Variants in ASIC2 observed in about 807,000 individuals in gnomAD.
ASIC2 encodes acid-sensing ion channel 2.
In ASIC2, 25 loss-of-function variants were observed where a neutral mutation model predicts 57.3. The observed-to-expected ratio is 0.44, with a 90% CI of 0.32 to 0.61. The LOEUF (loss-of-function observed/expected upper bound fraction) is 0.61. ASIC2 is among the 20% of genes least tolerant of loss of function. ASIC2 has a pLI of 0.06. For synonymous variants in ASIC2, 319 were observed against 307.5 expected (o/e 1.04, Z -0.39); for missense variants, 641 against 738.1 (o/e 0.87, Z 1.52).
At chr17:33,341,576 G>A (rs1907723848) in intron 1 of ASIC2, among the ~76,000 whole-genome samples, 1 of 152,134 alleles carries the variant, frequency 6.6e-6, no homozygotes, top group African/African-American at 2.4e-5. Context: ...TTATTATCTA[G>A]TCCCTTACAA....
intron 1 of ASIC2, among the ~76,000 whole-genome samples, chr17:33,914,042 G>A (rs1915529372): frequency 6.6e-6 from 1 of 152,166 alleles, no homozygotes. Flanking sequence ...CATAATCCCA[G>A]GGAATCATAA....
Position 33,998,899 on chromosome 17 carries a change from T to C in ASIC2, c.555+157079A>G, listed in dbSNP as rs139297132. Among the ~76,000 whole-genome samples, 61 of 152,264 alleles carry C rather than the reference T, an allele frequency of 4.0e-4. No homozygotes were observed. The East Asian group carries it at 0.011, about 27-fold the overall frequency. On this transcript the variant is annotated intron_variant, in intron 1 of 9. Coordinates refer to the ASIC2 transcript ENST00000359872. ...AGGTCCATTTGGTCTATAGTGTTGTTCAAGTCTGTTGTTTCCACATTGATT... is the reference window on the plus strand; with the variant it reads ...AGGTCCATTTGGTCTATAGTGTTGTCCAAGTCTGTTGTTTCCACATTGATT...
intron 3 of ASIC2, among the ~76,000 whole-genome samples, chr17:33,056,058 C>T (rs1039673070): frequency 6.1e-4 from 93 of 152,316 alleles, no homozygotes; most frequent in African/African-American, 2.0e-3. Context: ...GGTTGAGAAC[C>T]GTTCATCTAG....
rs1327989257 is a variant in ASIC2 at position 33,291,967 on chromosome 17, C to A, written c.149G>T (p.Gly50Val). The change falls in exon 1 of 10, where the codon GGG becomes GTG. Residue 50 changes from glycine to valine, a missense_variant. This residue lies in a region of ASIC2 where 382 missense variants were observed against 398.0 expected (regional missense o/e 0.96). Transcript: ENST00000225823. ...CCGCCCCCTGCGGGCGACCCCTGGC[C>A]CCTGCAGCGCCCGCTCGCCGCCTCT... is the stretch of plus-strand genomic sequence containing the variant. ...GGRGGERALQ[G>V]PGVARRGRPS... 7.5e-7 allele frequency: 1 copy of A among 1,332,636 alleles called. No homozygotes were observed. The highest frequency in any genetic ancestry group is 2.2e-5 in the South Asian group (1 of 44,608). 82.6% of individuals were successfully genotyped at this position (1,332,636 alleles called of 1,614,324 possible). A position where few individuals can be genotyped will look rare whatever the true frequency, so the allele number is the denominator to read the frequency against.
chr17:33,126,096 C>A (rs1026397333), intron 1 of ASIC2, among the ~76,000 whole-genome samples: 1 of 152,208 alleles, frequency 6.6e-6, no homozygotes, highest in Admixed American at 6.5e-5. Flanking sequence ...GTTCTCACAA[C>A]AAACTTGCAA....
At chr17:34,006,166 C>A (rs1906517600) in intron 1 of ASIC2, 3 of 152,272 alleles carry the variant, frequency 2.0e-5, no homozygotes. Flanking sequence ...ACTTAGGATT[C>A]TCCTAAGAGG....
At chr17:33,874,511 T>C (rs445370) in intron 1 of ASIC2, among the ~76,000 whole-genome samples, 135,725 of 152,126 alleles carry the variant, frequency 0.89, 60,783 homozygotes, top group African/African-American at 0.97. Context: ...CCATTCTTCC[T>C]GCCGTGTCCT....
Position 33,418,501 on chromosome 17 carries a change from G to A in ASIC2, c.556-306434C>T, listed in dbSNP as rs185681818. Among the ~76,000 whole-genome samples, 211 of 152,236 alleles carry A rather than the reference G, an allele frequency of 1.4e-3. 2 individuals carry two copies. Among genetic ancestry groups the A allele is most frequent in the East Asian group, 0.012 (64 of 5,176 alleles). The stretch of plus-strand genomic sequence containing the variant: ...TTCTTCTAGGGTTTTTATGGTTTTA[G>A]GTCTTACGTTTAAGTCTTTAATCCA... On this transcript the variant is annotated intron_variant, in intron 1 of 9. Coordinates refer to the ASIC2 transcript ENST00000359872.
chr17:33,480,060 T>C (rs1450526424), intron 1 of ASIC2, among the ~76,000 whole-genome samples: 1 of 152,130 alleles, frequency 6.6e-6, no homozygotes. Context: ...TCCCAGACCA[T>C]AAATCCACCC....
intron 1 of ASIC2, among the ~76,000 whole-genome samples, chr17:33,917,855 T>TACACACACACAC (rs10645495): frequency 2.2e-5 from 3 of 139,098 alleles, no homozygotes; most frequent in African/African-American, 5.5e-5. Flanking sequence ...TAAAGCCCGG[T>TACACACACACAC]ACACACACAC....
chr17:33,456,681 G>A (rs1442962074), intron 1 of ASIC2, among the ~76,000 whole-genome samples: 4 of 152,302 alleles, frequency 2.6e-5, no homozygotes, highest in Non-Finnish European at 5.9e-5. Flanking sequence ...CGTTTGTTGT[G>A]TGTGGAGAAG....
At chr17:33,283,960 C>T (rs1042141802) in intron 1 of ASIC2, among the ~76,000 whole-genome samples, 13 of 152,250 alleles carry the variant, frequency 8.5e-5, no homozygotes, top group Middle Eastern at 6.8e-3. Flanking sequence ...GACCAAGGTA[C>T]GGAACCACAC....
At chr17:33,226,813 A>G (rs1233745564) in intron 1 of ASIC2, among the ~76,000 whole-genome samples, 1 of 152,214 alleles carries the variant, frequency 6.6e-6, no homozygotes, top group East Asian at 1.9e-4. Flanking sequence ...GTCCAATAGA[A>G]ATATAAAAAG....
At chr17:33,939,308 C>T (rs1916134347) in intron 1 of ASIC2, among the ~76,000 whole-genome samples, 1 of 152,318 alleles carries the variant, frequency 6.6e-6, no homozygotes, top group East Asian at 1.9e-4. Flanking sequence ...TCAGAGAGGT[C>T]AAGTAACATT....
At chr17:33,098,733 C>T (rs1567743990) in intron 2 of ASIC2, among the ~76,000 whole-genome samples, 1 of 152,100 alleles carries the variant, frequency 6.6e-6, no homozygotes, top group Non-Finnish European at 1.5e-5. Flanking sequence ...CCGAGTGTTA[C>T]CCAAAGCAAT....
chr17:34,137,842 G>A (rs1246861751), intron 1 of ASIC2, among the ~76,000 whole-genome samples: 1 of 152,006 alleles, frequency 6.6e-6, no homozygotes, highest in East Asian at 1.9e-4. Flanking sequence ...TCTTTATAAG[G>A]ACACTAATCT....
At chr17:33,856,158 T>C (rs1050854242) in intron 1 of ASIC2, among the ~76,000 whole-genome samples, 1 of 152,200 alleles carries the variant, frequency 6.6e-6, no homozygotes. Context: ...CTCTGACATC[T>C]GACTGGCCTA....
intron 1 of ASIC2, among the ~76,000 whole-genome samples, chr17:33,964,625 T>C (rs1486234595): frequency 6.6e-6 from 1 of 152,202 alleles, no homozygotes; most frequent in Admixed American, 6.5e-5. Flanking sequence ...CTTGTGTCAT[T>C]AGAAGCCCAG....
chr17:34,150,021 G>A (rs894934538), intron 1 of ASIC2, among the ~76,000 whole-genome samples: 1 of 152,172 alleles, frequency 6.6e-6, no homozygotes, highest in Non-Finnish European at 1.5e-5. Context: ...ATAAAGATTT[G>A]TGATATATAT....
Sources: gnomAD v4.1 joint callset for allele counts (sites outside exome capture counted in the v4.1 genomes callset) on GRCh38, gnomAD v4.1.1 for gene constraint, gnomAD v4.1.1 regional missense constraint, MANE v1.5 for transcripts, NCBI Gene and HGNC (gene_info 2026-07-23, HGNC 2026-07-21) for gene names.